The following CSGALNACT1 variants were observed in gnomAD, a reference collection of about 807,000 sequenced individuals.
CSGALNACT1 encodes chondroitin sulfate N-acetylgalactosaminyltransferase 1.
Under a neutral mutation model 51.0 loss-of-function variants are expected in CSGALNACT1, and 52 were observed. That is an observed-to-expected ratio of 1.02 (90% CI 0.82 to 1.29). The LOEUF (loss-of-function observed/expected upper bound fraction) is 1.29, where lower values mean the gene tolerates loss of function less well. Among genes scored for constraint, CSGALNACT1 ranks in the 50% most tolerant of loss-of-function variants. The probability of loss-of-function intolerance (pLI) is 0.00; values close to 1 mark genes in which losing one functional copy is unlikely to be tolerated. For missense variants in CSGALNACT1, 935 were observed against 679.2 expected (o/e 1.38, Z -4.19); for synonymous variants, 341 against 254.4 (o/e 1.34, Z -3.24).
intron 1 of CSGALNACT1, among the ~76,000 whole-genome samples, chr8:19,755,552 G>A (rs1329408747): frequency 6.8e-6 from 1 of 147,012 alleles, no homozygotes; most frequent in Non-Finnish European, 1.5e-5. Context: ...ATTTCCTCCT[G>A]CTAAACATCT....
rs868360257 is a variant in CSGALNACT1, at chr8:19,623,494, T to C, written c.-543-21629A>G. ...ACATTTTTTAAGAATTGAACAATACTATTAACACTCTTCAATACTATATCC... is the reference window on the plus strand; with the variant it reads ...ACATTTTTTAAGAATTGAACAATACCATTAACACTCTTCAATACTATATCC... On this transcript the variant is annotated intron_variant, in intron 1 of 9. Coordinates refer to the CSGALNACT1 transcript ENST00000332246. Among the ~76,000 whole-genome samples the C allele has an allele frequency of 6.6e-5, 10 of 152,344 alleles. 1 individual carries two copies. The Middle Eastern group carries it at 0.014, about 207-fold the overall frequency.
chr8:19,448,792 C>T (rs1488256864), intron 5 of CSGALNACT1, among the ~76,000 whole-genome samples: 1 of 152,122 alleles, frequency 6.6e-6, no homozygotes, highest in South Asian at 2.1e-4. Flanking sequence ...GTGATGAATA[C>T]CTATTTAGGC....
intron 8 of CSGALNACT1, among the ~76,000 whole-genome samples, chr8:19,416,177 C>T (rs1398104778): frequency 7.5e-5 from 11 of 146,524 alleles, no homozygotes; most frequent in Admixed American, 4.3e-4. Flanking sequence ...TGCAGTGGCA[C>T]GATCTCGGCT....
At chr8:19,503,771 T>C (rs1052644477) in intron 4 of CSGALNACT1, among the ~76,000 whole-genome samples, 1 of 151,408 alleles carries the variant, frequency 6.6e-6, no homozygotes, top group African/African-American at 2.5e-5. Context: ...TACTGTTTCA[T>C]ATGAATGAGT....
At chr8:19,556,819 C>T (rs939784473) in intron 3 of CSGALNACT1, among the ~76,000 whole-genome samples, 6 of 151,990 alleles carry the variant, frequency 3.9e-5, no homozygotes, top group Non-Finnish European at 1.5e-5. Flanking sequence ...GGTCAACAGA[C>T]ATTAAAGTAC....
intron 1 of CSGALNACT1, among the ~76,000 whole-genome samples, chr8:19,619,938 C>G (rs912087633): frequency 6.6e-6 from 1 of 152,144 alleles, no homozygotes. Flanking sequence ...GCAAATTATC[C>G]TTCTAAATTC....
chr8:19,583,278 T>G (rs2045965717), intron 3 of CSGALNACT1, among the ~76,000 whole-genome samples: 1 of 152,244 alleles, frequency 6.6e-6, no homozygotes, highest in South Asian at 2.1e-4. Flanking sequence ...TCCATGTATT[T>G]ATCTACAGTG....
At chr8:19,490,863 T>C (rs183516100) in intron 4 of CSGALNACT1, among the ~76,000 whole-genome samples, 2 of 152,336 alleles carry the variant, frequency 1.3e-5, no homozygotes. Flanking sequence ...TCCAGGTGAT[T>C]CCCAGGCAGC....
chr8:19,716,019 A>G (rs142251591), intron 1 of CSGALNACT1, among the ~76,000 whole-genome samples: 78 of 152,244 alleles, frequency 5.1e-4, no homozygotes, highest in African/African-American at 1.8e-3. Flanking sequence ...GTAGGGAATG[A>G]GGGTCGGAGG....
At chr8:19,736,646 T>C (rs1050629194) in intron 1 of CSGALNACT1, among the ~76,000 whole-genome samples, 3 of 152,108 alleles carry the variant, frequency 2.0e-5, no homozygotes, top group Non-Finnish European at 4.4e-5. Context: ...ATGGTCTACA[T>C]GTTGTATTGG....
exon 1 of CSGALNACT1, chr8:19,682,566 G>C (rs1394561126): frequency 2.2e-6 from 1 of 450,226 alleles, no homozygotes; most frequent in African/African-American, 2.0e-5. Flanking sequence ...TCTACTCCCA[G>C]GGTTTCCACC....
rs1253339796 is a variant in CSGALNACT1, at chr8:19,540,741, G to A, written c.-296-34611C>T. 4.6e-5 allele frequency among the ~76,000 whole-genome samples: 7 copies of A among 152,200 alleles called. No individual in the cohort carries two copies. In the South Asian group the frequency reaches 1.5e-3, roughly 32 times the overall value. On this transcript the variant is annotated intron_variant, in intron 3 of 9. Transcript: ENST00000454498. ...AATGGGTCACGCTGTCTTCTTGCCTGGAGAGCTTTGTTCACCCTGCTCCCT... is the reference window on the plus strand; with the variant it reads ...AATGGGTCACGCTGTCTTCTTGCCTAGAGAGCTTTGTTCACCCTGCTCCCT...
intron 1 of CSGALNACT1, among the ~76,000 whole-genome samples, chr8:19,690,337 T>C (rs1193773085): frequency 6.6e-6 from 1 of 152,220 alleles, no homozygotes; most frequent in Admixed American, 6.5e-5. Context: ...CTCCATACTA[T>C]TATAAATTCA....
At chr8:19,436,900 G>C (rs1046700927) in intron 6 of CSGALNACT1, among the ~76,000 whole-genome samples, 2 of 152,192 alleles carry the variant, frequency 1.3e-5, no homozygotes, top group East Asian at 1.9e-4. Context: ...GACAGAGCAA[G>C]ACCTTGTCTC....
intron 4 of CSGALNACT1, among the ~76,000 whole-genome samples, chr8:19,489,987 G>A (rs907766725): frequency 6.6e-6 from 1 of 152,126 alleles, no homozygotes; most frequent in Non-Finnish European, 1.5e-5. Context: ...CTCAGAAAAT[G>A]ACCAATTGCC....
chr8:19,611,616 G>T (rs1383700538), intron 1 of CSGALNACT1, among the ~76,000 whole-genome samples: 1 of 152,206 alleles, frequency 6.6e-6, no homozygotes, highest in African/African-American at 2.4e-5. Context: ...AACCCAGGTG[G>T]TCTGAATGCA....
intron 1 of CSGALNACT1, among the ~76,000 whole-genome samples, chr8:19,714,188 T>C (rs1315947407): frequency 6.6e-6 from 1 of 152,236 alleles, no homozygotes; most frequent in Non-Finnish European, 1.5e-5. Flanking sequence ...ATTTCAAACT[T>C]TTGTTGTCTG....
intron 1 of CSGALNACT1, among the ~76,000 whole-genome samples, chr8:19,657,780 G>A (rs983879225): frequency 2.6e-5 from 4 of 152,086 alleles, no homozygotes; most frequent in African/African-American, 4.8e-5. Flanking sequence ...CGTAGCATGC[G>A]GGAGGAAATT....
intron 3 of CSGALNACT1, among the ~76,000 whole-genome samples, chr8:19,509,546 C>T (rs1443760236): frequency 2.1e-5 from 3 of 145,732 alleles, no homozygotes; most frequent in Admixed American, 7.2e-5. Flanking sequence ...CGCTTGAACC[C>T]GGGAGGCAGA....
Sources: allele counts gnomAD v4.1 joint callset (sites outside exome capture counted in the v4.1 genomes callset), GRCh38; gene constraint gnomAD v4.1.1; transcripts MANE v1.5; gene names NCBI Gene and HGNC (gene_info 2026-07-23, HGNC 2026-07-21).